Variants in WASHC5 observed in about 807,000 individuals in gnomAD.
WASHC5 encodes the protein WASH complex subunit strumpellin.
WASHC5 carries 101 observed loss-of-function variants against 150.4 expected under a neutral mutation model. That is an observed-to-expected ratio of 0.67 (90% CI 0.57 to 0.79). The LOEUF (loss-of-function observed/expected upper bound fraction) is 0.79. Ranked by LOEUF, WASHC5 falls within the 30% of genes least tolerant of loss-of-function variation. The pLI is 0.00. For missense variants in WASHC5, 1,195 were observed against 1,396.3 expected (o/e 0.86, Z 2.30); for synonymous variants, 467 against 491.2 (o/e 0.95, Z 0.65).
chr8:125,048,135 C>T (rs564813824), intron 19 of WASHC5, among the ~76,000 whole-genome samples: 84 of 152,186 alleles, frequency 5.5e-4, no homozygotes, highest in Non-Finnish European at 6.6e-4. Flanking sequence ...AAACGAGAAG[C>T]GAGAACTAAG....
At chr8:125,036,022 A>G (rs934761957) in intron 26 of WASHC5, among the ~76,000 whole-genome samples, 2 of 152,256 alleles carry the variant, frequency 1.3e-5, no homozygotes, top group African/African-American at 4.8e-5. Flanking sequence ...CTGACGAATG[A>G]CAAAAATAAA....
chr8:125,049,129 A>G lies in WASHC5; in HGVS notation c.2256T>C (p.His752=), dbSNP rs372081943. The change falls in exon 19 of 29, where the codon CAT becomes CAC. Residue 752 remains histidine (H), a synonymous_variant. Transcript: ENST00000318410. ...KELGATMDGF[H]RSFEYIQDYV... ...AGTCCTGTATGTATTCAAAAGAACG[A>G]TGGAATCCATCCATGGTCGCTCCCA... The G allele has an allele frequency of 9.9e-6, 16 of 1,614,012 alleles. No homozygotes were observed. In the African/African-American group the frequency reaches 1.2e-4, roughly 12 times the overall value.
At chr8:125,053,538 T>G (rs746322175) in intron 17 of WASHC5, among the ~76,000 whole-genome samples, 7 of 152,144 alleles carry the variant, frequency 4.6e-5, no homozygotes, top group Non-Finnish European at 8.8e-5. Context: ...TGCATGTACA[T>G]TCTCTACACA....
chr8:125,055,687 A>G lies in WASHC5; in HGVS notation c.2017-16T>C. ...GCTTGGCAACCTATAACAAAGAAAA[A>G]GAGGTATGAAAAATCACTGTCTAAT... On this transcript the variant is annotated splice_polypyrimidine_tract_variant and intron_variant, in intron 16 of 28. Transcript: ENST00000318410. 6.7e-7 allele frequency: 1 copy of G among 1,497,448 alleles called. No individual in the cohort carries two copies. Among genetic ancestry groups the G allele is most frequent in the South Asian group, 1.1e-5 (1 of 88,690 alleles). 92.8% of individuals were successfully genotyped at this position (1,497,448 alleles called of 1,614,324 possible). A position where few individuals can be genotyped will look rare whatever the true frequency, so the allele number is the denominator to read the frequency against.
At chr8:125,082,809 A>G (rs1817307489) in intron 3 of WASHC5, 2 of 363,186 alleles carry the variant, frequency 5.5e-6, no homozygotes, top group Non-Finnish European at 4.9e-6. Flanking sequence ...AATGATAAAG[A>G]TAAGTTCTTT....
intron 15 of WASHC5, 36 bp downstream of exon 15, chr8:125,057,520 T>C (rs1409806493): frequency 5.3e-6 from 7 of 1,331,478 alleles, no homozygotes; most frequent in Non-Finnish European, 6.5e-6. Context: ...AGCAGTTATC[T>C]GGCAAGAGTA....
At chr8:125,086,899 G>A (rs906787614) in intron 1 of WASHC5, among the ~76,000 whole-genome samples, 3 of 152,200 alleles carry the variant, frequency 2.0e-5, no homozygotes, top group Admixed American at 1.3e-4. Context: ...AAGTGCCGAC[G>A]TGTGACTTGG....
At position 125,044,674 on chromosome 8, in the gene WASHC5, C is replaced by A. The variant is rs531249537; in HGVS notation, c.2529G>T (p.Leu843=). The A allele has an allele frequency of 6.2e-7, 1 of 1,614,070 alleles. No homozygotes were observed. Among genetic ancestry groups the A allele is most frequent in the Non-Finnish European group, 8.5e-7 (1 of 1,179,956 alleles). ...DPKMTCHIDQ[L]NTWYDMKTHQ... ...GAGTTTTCATATCATACCAAGTGTT[C>A]AGCTGGTCTATGTGACATGTCATTC... The change falls in exon 21 of 29, where the codon CTG becomes CTT. Residue 843 remains leucine (L), a synonymous_variant. Transcript: ENST00000318410.
At chr8:125,080,721 A>G (rs1817232207) in intron 5 of WASHC5, among the ~76,000 whole-genome samples, 1 of 152,190 alleles carries the variant, frequency 6.6e-6, no homozygotes, top group Admixed American at 6.5e-5. Context: ...TAGACACTAA[A>G]ATTAAAAAGT....
intron 28 of WASHC5, among the ~76,000 whole-genome samples, chr8:125,027,868 C>T (rs1263922776): frequency 1.3e-5 from 2 of 152,168 alleles, no homozygotes; most frequent in African/African-American, 2.4e-5. Flanking sequence ...TTGTCTTGCA[C>T]CTGTATAACA....
chr8:125,078,223 T>C (rs145955088), intron 6 of WASHC5, among the ~76,000 whole-genome samples: 1 of 152,298 alleles, frequency 6.6e-6, no homozygotes, highest in African/African-American at 2.4e-5. Flanking sequence ...CTTCACAGCC[T>C]TGCTCAGGCT....
intron 17 of WASHC5, among the ~76,000 whole-genome samples, chr8:125,052,244 C>T (rs149466505): frequency 1.0e-3 from 155 of 152,252 alleles, no homozygotes; most frequent in African/African-American, 3.3e-3. Context: ...CTTACAAGAA[C>T]AGATTTACTA....
intron 9 of WASHC5, among the ~76,000 whole-genome samples, chr8:125,068,379 T>C (rs1816808511): frequency 6.6e-6 from 1 of 152,182 alleles, no homozygotes. Context: ...TGAGCCTTCC[T>C]GGTTGACAAC....
intron 28 of WASHC5, among the ~76,000 whole-genome samples, chr8:125,025,364 G>C (rs532769702): frequency 2.0e-5 from 3 of 152,142 alleles, no homozygotes; most frequent in Non-Finnish European, 4.4e-5. Flanking sequence ...AGGGGAGGGA[G>C]AGCATTAGTA....
intron 12 of WASHC5, among the ~76,000 whole-genome samples, chr8:125,059,878 T>C (rs536090377): frequency 1.3e-5 from 2 of 152,296 alleles, no homozygotes; most frequent in South Asian, 4.1e-4. Context: ...CTGGGTTATA[T>C]GACAAAATAA....
intron 12 of WASHC5, among the ~76,000 whole-genome samples, 170 bp from the exon 13 acceptor site, chr8:125,059,712 C>T (rs1354911047): frequency 6.6e-6 from 1 of 152,172 alleles, no homozygotes; most frequent in East Asian, 1.9e-4. Flanking sequence ...AAAAAATGCA[C>T]AAGTTTCTAG....
chr8:125,029,934 G>A (rs961702434), intron 27 of WASHC5, among the ~76,000 whole-genome samples: 1 of 152,126 alleles, frequency 6.6e-6, no homozygotes, highest in Non-Finnish European at 1.5e-5. Context: ...CTGTGACCAG[G>A]GCTATATTTG....
chr8:125,083,352 T>A, intron 2 of WASHC5, 94 bp from the exon 3 acceptor site: 4 of 1,162,764 alleles, frequency 3.4e-6, no homozygotes, highest in Non-Finnish European at 5.0e-6. Context: ...CTTATGTTAT[T>A]AGACATCCCA....
In WASHC5 at chr8:125,076,453, GTTTGC is replaced by G; in HGVS notation, c.754_758del (p.Ala252ProfsTer12). 3.1e-6 allele frequency: 5 copies of G among 1,614,014 alleles called. No individual in the cohort carries two copies. The highest frequency in any genetic ancestry group is 4.2e-6 in the Non-Finnish European group (5 of 1,179,974). On this transcript the variant is annotated frameshift_variant, in exon 7 of 29. Coordinates refer to ENST00000318410, the MANE Select transcript of WASHC5 (RefSeq NM_014846.4). LOFTEE classifies it high-confidence loss of function. Reference sequence around the variant, plus strand: ...GAATCACGTACAGCATGGCAGCTTGGTTTGCCAGGGCTGTGCTGCGATGCTCCGGC... The same window carrying G: ...GAATCACGTACAGCATGGCAGCTTGGCAGGGCTGTGCTGCGATGCTCCGGC...
Sources: gnomAD v4.1 joint callset for allele counts (sites outside exome capture counted in the v4.1 genomes callset) on GRCh38, gnomAD v4.1.1 for gene constraint, MANE v1.5 for transcripts, NCBI Gene and HGNC (gene_info 2026-07-23, HGNC 2026-07-21) for gene names.